CNTNAP2: variants seen among roughly 807,000 people sequenced by gnomAD.
CNTNAP2 encodes the protein contactin-associated protein-like 2.
In CNTNAP2, 98 loss-of-function variants were observed where a neutral mutation model predicts 155.2. The observed-to-expected ratio is 0.63, with a 90% confidence interval of 0.54 to 0.75. The LOEUF is 0.75. Among genes scored for constraint, CNTNAP2 ranks in the 30% least tolerant of loss-of-function variants. CNTNAP2 has a pLI of 0.00. For missense variants in CNTNAP2, 1,727 were observed against 1,688.1 expected, an observed-to-expected ratio of 1.02 and a Z score of -0.40; for synonymous variants, 651 against 631.2, an observed-to-expected ratio of 1.03 and a Z score of -0.47.
intron 3 of CNTNAP2, among the ~76,000 whole-genome samples, chr7:146,898,489 A>T (rs911517140): frequency 1.6e-4 from 24 of 151,564 alleles, no homozygotes; most frequent in African/African-American, 5.8e-4. Context: ...ACTGGTATTT[A>T]AAAAAACAAT....
intron 1 of CNTNAP2, among the ~76,000 whole-genome samples, chr7:146,175,988 C>T (rs1242952835): frequency 2.6e-5 from 4 of 152,192 alleles, no homozygotes; most frequent in African/African-American, 7.2e-5. Flanking sequence ...AAGTGACTCA[C>T]GTTATTCTAG....
At chr7:146,911,419 A>G (rs1796273791) in intron 3 of CNTNAP2, among the ~76,000 whole-genome samples, 1 of 152,078 alleles carries the variant, frequency 6.6e-6, no homozygotes, top group South Asian at 2.1e-4. Context: ...ATGTCCAACA[A>G]TGATAGACTG....
chr7:147,680,585 G>A (rs1437609795), intron 13 of CNTNAP2, among the ~76,000 whole-genome samples: 1 of 151,822 alleles, frequency 6.6e-6, no homozygotes, highest in African/African-American at 2.4e-5. Flanking sequence ...GGAAACCTAA[G>A]CCGTTGATGT....
intron 20 of CNTNAP2, among the ~76,000 whole-genome samples, chr7:148,263,608 G>A (rs1156486008): frequency 6.6e-6 from 1 of 151,898 alleles, no homozygotes; most frequent in Non-Finnish European, 1.5e-5. Flanking sequence ...GTGGTGGCGG[G>A]CGCCTGGAGT....
chr7:147,022,067 G>A (rs1254476007), intron 3 of CNTNAP2, among the ~76,000 whole-genome samples: 1 of 151,798 alleles, frequency 6.6e-6, no homozygotes, highest in African/African-American at 2.4e-5. Context: ...CACTTTAGCT[G>A]TCCTGTAGAC....
intron 1 of CNTNAP2, among the ~76,000 whole-genome samples, chr7:146,692,790 G>A (rs971462098): frequency 6.6e-5 from 10 of 152,094 alleles, no homozygotes; most frequent in African/African-American, 2.4e-4. Context: ...TGTAAATTAT[G>A]TATGTGATAG....
intron 10 of CNTNAP2, among the ~76,000 whole-genome samples, chr7:147,469,416 A>G (rs1798173791): frequency 6.6e-6 from 1 of 151,900 alleles, no homozygotes; most frequent in Non-Finnish European, 1.5e-5. Flanking sequence ...ACTGTATGCC[A>G]GTGAACAAAG....
intron 1 of CNTNAP2, among the ~76,000 whole-genome samples, chr7:146,663,576 T>G (rs1800134093): frequency 6.6e-6 from 1 of 152,152 alleles, no homozygotes. Context: ...TGTTTTGCAT[T>G]TTTAAGCCCA....
chr7:147,890,378 T>G (rs1029158594), intron 13 of CNTNAP2, among the ~76,000 whole-genome samples: 2 of 152,192 alleles, frequency 1.3e-5, no homozygotes, highest in African/African-American at 4.8e-5. Flanking sequence ...AGGGAATTCT[T>G]GTACACTTTT....
At chr7:147,891,264 G>A (rs1799688777) in intron 13 of CNTNAP2, among the ~76,000 whole-genome samples, 1 of 151,658 alleles carries the variant, frequency 6.6e-6, no homozygotes, top group South Asian at 2.1e-4. Flanking sequence ...GAGCGCAGTG[G>A]TGAGATCTTG....
chr7:147,326,292 AATG>A (rs1218813437), intron 9 of CNTNAP2, among the ~76,000 whole-genome samples: 1 of 152,162 alleles, frequency 6.6e-6, no homozygotes, highest in Non-Finnish European at 1.5e-5. Flanking sequence ...GGAAACATAT[AATG>A]TTTGTTCTTT....
chr7:147,822,982 G>A (rs988613409), intron 13 of CNTNAP2, among the ~76,000 whole-genome samples: 3 of 152,208 alleles, frequency 2.0e-5, no homozygotes, highest in Non-Finnish European at 4.4e-5. Context: ...GTCTTCTACA[G>A]TAGGTACTAC....
chr7:146,306,985 A>G (rs1370187250), intron 1 of CNTNAP2, among the ~76,000 whole-genome samples: 2 of 152,192 alleles, frequency 1.3e-5, no homozygotes, highest in Admixed American at 1.3e-4. Flanking sequence ...GGCCAGGGCA[A>G]TCAGGCAAGA....
In CNTNAP2 at chr7:147,780,147, C is replaced by T. The variant is rs528842907; in HGVS notation, c.2099-123418C>T. 5.9e-5 allele frequency among the ~76,000 whole-genome samples: 9 copies of T among 152,270 alleles called. No homozygotes were observed. In the East Asian group the frequency reaches 7.7e-4, roughly 13 times the overall value. ...GACAGAATATAGACAGCTAATCTTA[C>T]GACTGCTCTGAATGACAGGCACAGA... On this transcript the variant is annotated intron_variant, in intron 13 of 23. Coordinates refer to ENST00000361727, the MANE Select transcript of CNTNAP2 (RefSeq NM_014141.6).
chr7:147,441,852 C>CTCTCTCT lies in CNTNAP2; in HGVS notation c.1671-44083_1671-44082insTCTCTCT, dbSNP rs1797645195. On this transcript the variant is annotated intron_variant, in intron 10 of 23. Transcript: ENST00000361727. Reference sequence around the variant, plus strand: ...CTCTCTCTCTCTCTCTCTCTCTCTCCCTCCCTCCCTCCCTCCCTCCCTCCC... The same window carrying CTCTCTCT: ...CTCTCTCTCTCTCTCTCTCTCTCTCCTCTCTCTCTCCCTCCCTCCCTCCCTCCCTCCC... Among the ~76,000 whole-genome samples, 78 of 37,606 alleles carry CTCTCTCT rather than the reference C, an allele frequency of 2.1e-3. 1 individual carries two copies. The highest frequency in any genetic ancestry group is 5.3e-3 in the African/African-American group (61 of 11,562). 24.7% of individuals were successfully genotyped at this position (37,606 alleles called of 152,430 possible).
In CNTNAP2 at chr7:146,767,038, T is replaced by A. The variant is rs548347651; in HGVS notation, c.98-7233T>A. ...ATAAGTTATGTCCAATCAGTTGATTTCATTCCAATTCCATTATCTTTAGCT... is the reference window on the plus strand; with the variant it reads ...ATAAGTTATGTCCAATCAGTTGATTACATTCCAATTCCATTATCTTTAGCT... On this transcript the variant is annotated intron_variant, in intron 1 of 23. Transcript: ENST00000361727. Among the ~76,000 whole-genome samples, 5 of 152,338 alleles carry A rather than the reference T, an allele frequency of 3.3e-5. No individual in the cohort carries two copies. The South Asian group carries it at 1.0e-3, about 32-fold the overall frequency.
chr7:146,198,537 G>C (rs949953), intron 1 of CNTNAP2, among the ~76,000 whole-genome samples: 4 of 152,030 alleles, frequency 2.6e-5, no homozygotes, highest in Admixed American at 1.3e-4. Flanking sequence ...TAGCTTTAAC[G>C]TATTTAAATT....
chr7:148,365,777 T>C lies in CNTNAP2; in HGVS notation c.3476-17872T>C, dbSNP rs757743163. 6.0e-4 allele frequency among the ~76,000 whole-genome samples: 55 copies of C among 91,176 alleles called. 6 individuals are homozygous for C. The highest frequency in any genetic ancestry group is 2.3e-3 in the African/African-American group (51 of 22,020). The allele number at this position is 91,176 out of a possible 152,430, so 59.8% of individuals were successfully genotyped here. A position where few individuals can be genotyped will look rare whatever the true frequency, so the allele number is the denominator to read the frequency against. Reference sequence around the variant, plus strand: ...ATGTATGTGTATACGTGTATACATGTATGTGTATGCATGTATACATGCATG... The same window carrying C: ...ATGTATGTGTATACGTGTATACATGCATGTGTATGCATGTATACATGCATG... On this transcript the variant is annotated intron_variant, in intron 21 of 23. Transcript: ENST00000361727.
chr7:146,578,268 G>A (rs1000560587), intron 1 of CNTNAP2, among the ~76,000 whole-genome samples: 8 of 152,054 alleles, frequency 5.3e-5, no homozygotes, highest in African/African-American at 9.7e-5. Flanking sequence ...GGAGCCACTA[G>A]TAAATCTGTA....
Sources: allele counts gnomAD v4.1 joint callset (sites outside exome capture counted in the v4.1 genomes callset), GRCh38; gene constraint gnomAD v4.1.1; transcripts MANE v1.5; gene names NCBI Gene and HGNC (gene_info 2026-07-23, HGNC 2026-07-21).